Variants in SETD3 observed in about 807,000 individuals in gnomAD.
The protein encoded by SETD3 is actin-histidine N-methyltransferase.
A neutral mutation model predicts 63.0 loss-of-function variants in SETD3; 19 were observed. The ratio of observed to expected loss-of-function variants is 0.30; its 90% CI spans 0.21 to 0.44. The LOEUF (loss-of-function observed/expected upper bound fraction) is 0.44. Among genes scored for constraint, SETD3 ranks in the 20% least tolerant of loss-of-function variants. SETD3 has a pLI of 1.00. For missense variants in SETD3, 587 were observed against 728.5 expected (o/e 0.81, Z 2.24); for synonymous variants, 286 against 264.1 (o/e 1.08, Z -0.80).
At chr14:99,408,003 G>A (rs1891780480) in intron 8 of SETD3, among the ~76,000 whole-genome samples, 1 of 152,144 alleles carries the variant, frequency 6.6e-6, no homozygotes, top group Admixed American at 6.5e-5. Context: ...CAATCTCTTA[G>A]GTTGTCTGTC....
chr14:99,401,337 C>T (rs1273801802), intron 11 of SETD3, among the ~76,000 whole-genome samples: 3 of 152,286 alleles, frequency 2.0e-5, no homozygotes, highest in East Asian at 3.9e-4. Flanking sequence ...CAAAACAAGC[C>T]GATCCTATTC....
Position 99,459,137 on chromosome 14 carries a change from C to T in SETD3, c.394G>A (p.Glu132Lys). The T allele has an allele frequency of 6.2e-7, 1 of 1,610,548 alleles. No homozygotes were observed. The highest frequency in any genetic ancestry group is 8.5e-7 in the Non-Finnish European group (1 of 1,178,696). The change falls in exon 5 of 13, where the codon GAA (glutamate) becomes AAA (lysine). Residue 132 changes from glutamate to lysine, a missense_variant. Physicochemically the swap from Glu to Lys is moderately conservative, Grantham distance 56 (BLOSUM62 1). Coordinates refer to ENST00000331768, the MANE Select transcript of SETD3 (RefSeq NM_032233.3). ...CCCAACACTGAATTTTTAGCAGATTCAACAGTCATTAGCAATTTTCGTGGA... is the reference window on the plus strand; with the variant it reads ...CCCAACACTGAATTTTTAGCAGATTTAACAGTCATTAGCAATTTTCGTGGA... ...WVPRKLLMTVESAKNSVLGPL... is the reference protein window; with the variant it reads ...WVPRKLLMTVKSAKNSVLGPL...
rs533535080 is a variant in SETD3 at position 99,459,016 on chromosome 14, C to T, written c.418+97G>A. 29 of 807,446 alleles carry T rather than the reference C, an allele frequency of 3.6e-5. No individual in the cohort carries two copies. In the Admixed American group the frequency reaches 4.5e-4, roughly 13 times the overall value. The allele number at this position is 807,446 out of a possible 1,614,324, so 50.0% of individuals were successfully genotyped here. A position where few individuals can be genotyped will look rare whatever the true frequency, so the allele number is the denominator to read the frequency against. ...ATATTTGAGGGAATATTTCGCCAGT[C>T]GAGAAAAACCAAGTATTATCCTTAG... On this transcript the variant is annotated intron_variant, in intron 5 of 12. Transcript: ENST00000331768.
chr14:99,437,190 G>A (rs1186557552), intron 6 of SETD3, among the ~76,000 whole-genome samples: 1 of 152,190 alleles, frequency 6.6e-6, no homozygotes, highest in Non-Finnish European at 1.5e-5. Context: ...GTGGAATTGT[G>A]TTAATGTGGA....
intron 6 of SETD3, among the ~76,000 whole-genome samples, chr14:99,424,746 C>G (rs1892787118): frequency 1.3e-5 from 2 of 152,072 alleles, no homozygotes; most frequent in Admixed American, 6.5e-5. Flanking sequence ...GTTCTTGTCA[C>G]ATGGTCTCAG....
At chr14:99,482,206 A>G (rs1463457679), upstream of SETD3, among the ~76,000 whole-genome samples, 2 of 152,242 alleles carry the variant, frequency 1.3e-5, no homozygotes, top group Non-Finnish European at 2.9e-5. Flanking sequence ...GTTAGGAACT[A>G]TTTCTAAGAG....
At chr14:99,474,966 G>A (rs1344707676) in intron 1 of SETD3, among the ~76,000 whole-genome samples, 1 of 151,516 alleles carries the variant, frequency 6.6e-6, no homozygotes, top group Non-Finnish European at 1.5e-5. Flanking sequence ...GTAGGTTTTA[G>A]TTTTAAACTG....
chr14:99,455,964 C>T (rs917419178), intron 6 of SETD3, among the ~76,000 whole-genome samples: 1 of 152,214 alleles, frequency 6.6e-6, no homozygotes, highest in African/African-American at 2.4e-5. Flanking sequence ...AGACCAGCCT[C>T]GCCAACGTGG....
intron 6 of SETD3, among the ~76,000 whole-genome samples, chr14:99,452,364 C>T (rs982506285): frequency 1.3e-5 from 2 of 152,188 alleles, no homozygotes; most frequent in South Asian, 2.1e-4. Context: ...CTCGGCCTCC[C>T]GGAGTGTTGG....
upstream of SETD3, among the ~76,000 whole-genome samples, chr14:99,483,385 CA>C (rs975779136): frequency 5.4e-5 from 8 of 148,552 alleles, no homozygotes; most frequent in East Asian, 2.0e-4. Flanking sequence ...CTCACCACTA[CA>C]AAAAAAAAAT....
chr14:99,459,218 A>G (rs754572638), intron 4 of SETD3, 33 bp from the exon 5 acceptor site: 11 of 1,469,806 alleles, frequency 7.5e-6, no homozygotes, highest in Non-Finnish European at 9.5e-6. Context: ...GAGAATCATC[A>G]AAACACGGTA....
intron 6 of SETD3, among the ~76,000 whole-genome samples, chr14:99,428,175 AT>A (rs1324912066): frequency 2.0e-5 from 3 of 152,230 alleles, no homozygotes; most frequent in Non-Finnish European, 4.4e-5. Flanking sequence ...AGTGCTACCC[AT>A]CTGGTCTGTT....
chr14:99,418,244 T>C lies in SETD3; in HGVS notation c.676-4310A>G, dbSNP rs146613394. ...CAAAATATAATTTAGAAGTTGCACC[T>C]AGCTTGTTCTGATAAAAAAACCATA... On this transcript the variant is annotated intron_variant, in intron 6 of 12. Coordinates refer to ENST00000331768, the MANE Select transcript of SETD3 (RefSeq NM_032233.3). Among the ~76,000 whole-genome samples, 1,084 of 152,322 alleles carry C rather than the reference T, an allele frequency of 7.1e-3. 7 individuals carry two copies. The highest frequency in any genetic ancestry group is 0.024 in the African/African-American group (1,001 of 41,568).
chr14:99,439,841 G>C (rs1893700771), intron 6 of SETD3, among the ~76,000 whole-genome samples: 1 of 151,560 alleles, frequency 6.6e-6, no homozygotes, highest in African/African-American at 2.4e-5. Flanking sequence ...ACCCAGGCTA[G>C]AGTATGGTGG....
At chr14:99,484,586 G>A (rs1184793475), upstream of SETD3, among the ~76,000 whole-genome samples, 1 of 152,228 alleles carries the variant, frequency 6.6e-6, no homozygotes, top group Admixed American at 6.5e-5. Flanking sequence ...TTAAAGAGTC[G>A]CTAAAAGGTA....
intron 6 of SETD3, among the ~76,000 whole-genome samples, chr14:99,419,710 G>A (rs1256965028): frequency 6.7e-6 from 1 of 150,364 alleles, no homozygotes; most frequent in Non-Finnish European, 1.5e-5. Flanking sequence ...GGGAGGCGGA[G>A]CTTGCAGTGA....
At chr14:99,450,203 G>C (rs1202811736) in intron 6 of SETD3, among the ~76,000 whole-genome samples, 4 of 152,198 alleles carry the variant, frequency 2.6e-5, no homozygotes, top group Admixed American at 2.6e-4. Context: ...GAATTTCAGG[G>C]CCTTGGGATC....
chr14:99,462,522 T>C lies in SETD3; in HGVS notation c.196+964A>G, dbSNP rs575124118. On this transcript the variant is annotated intron_variant, in intron 3 of 12. Coordinates refer to ENST00000331768, the MANE Select transcript of SETD3 (RefSeq NM_032233.3). ...AGGAATATTCAAAGACGGAACTTCC[T>C]ATTCACTCCTTGAGAACTGGCAAAT... Among the ~76,000 whole-genome samples, 5 of 152,334 alleles carry C rather than the reference T, an allele frequency of 3.3e-5. No homozygotes were observed. The South Asian group carries it at 8.3e-4, about 25-fold the overall frequency.
intron 6 of SETD3, among the ~76,000 whole-genome samples, chr14:99,452,007 C>A (rs908984056): frequency 1.3e-5 from 2 of 152,142 alleles, no homozygotes; most frequent in African/African-American, 4.8e-5. Flanking sequence ...TTACATTTTA[C>A]AATGTAAAAA....
Sources: gnomAD v4.1 joint callset for allele counts (sites outside exome capture counted in the v4.1 genomes callset) on GRCh38, gnomAD v4.1.1 for gene constraint, MANE v1.5 for transcripts, NCBI Gene and HGNC (gene_info 2026-07-23, HGNC 2026-07-21) for gene names.